Variants in RGS6 observed in about 807,000 individuals in gnomAD.
RGS6 encodes regulator of G-protein signaling 6.
In RGS6, 30 loss-of-function variants were observed where a neutral mutation model predicts 78.5. The observed-to-expected ratio is 0.38, with a 90% CI of 0.29 to 0.52. The LOEUF is 0.52. Ranked by LOEUF, RGS6 falls within the 20% of genes least tolerant of loss-of-function variation. RGS6 has a pLI of 0.85. For missense variants in RGS6, 495 were observed against 609.7 expected (o/e 0.81, Z 1.98); for synonymous variants, 206 against 206.0 (o/e 1.00, Z 0.00).
chr14:72,500,315 G>A (rs143834405), intron 13 of RGS6, among the ~76,000 whole-genome samples: 34 of 152,298 alleles, frequency 2.2e-4, no homozygotes, highest in African/African-American at 7.5e-4. Context: ...AAGTGAAAAC[G>A]AAGCCCTGTT....
chr14:71,885,946 T>G, the RGS6 span, among the ~76,000 whole-genome samples: 1 of 151,524 alleles, frequency 6.6e-6, no homozygotes. Flanking sequence ...CTCCTTCTCT[T>G]TTTTCTCTTT....
chr14:71,964,747 A>G lies in RGS6; in HGVS notation c.-20-25A>G, dbSNP rs28678612. On this transcript the variant is annotated intron_variant, in intron 1 of 17. Coordinates refer to ENST00000553525, the MANE Select transcript of RGS6 (RefSeq NM_001204424.2). ...CTTTATATAATTCCTTCGTGACTTA[A>G]TGGTTTATTCATTTATTTTTGCAGT... 3.5e-3 allele frequency: 5,256 copies of G among 1,496,996 alleles called. 164 individuals carry two copies. In the African/African-American group the frequency reaches 0.065, roughly 18 times the overall value. The allele number at this position is 1,496,996 out of a possible 1,614,324, so 92.7% of individuals were successfully genotyped here.
intron 2 of RGS6, among the ~76,000 whole-genome samples, chr14:72,068,493 T>C (rs898800714): frequency 9.0e-6 from 1 of 111,424 alleles, no homozygotes; most frequent in African/African-American, 3.3e-5. Flanking sequence ...CCTCCCACTC[T>C]TCCTATTTTT....
chr14:71,991,981 C>A (rs2094972324), intron 2 of RGS6, among the ~76,000 whole-genome samples: 1 of 151,380 alleles, frequency 6.6e-6, no homozygotes, highest in Admixed American at 6.6e-5. Context: ...AGATTTGGCC[C>A]ATGGGTGGGG....
At chr14:72,214,290 C>T (rs2045002103) in intron 2 of RGS6, among the ~76,000 whole-genome samples, 1 of 151,812 alleles carries the variant, frequency 6.6e-6, no homozygotes, top group African/African-American at 2.4e-5. Context: ...GATCCTCCCA[C>T]CTCAGCCTCT....
intron 2 of RGS6, among the ~76,000 whole-genome samples, chr14:72,096,393 A>C (rs1183921505): frequency 6.6e-6 from 1 of 152,234 alleles, no homozygotes; most frequent in African/African-American, 2.4e-5. Context: ...TTAGGTGATC[A>C]TGGGGAACAG....
At chr14:72,432,696 G>C (rs2094702293) in intron 3 of RGS6, among the ~76,000 whole-genome samples, 1 of 152,180 alleles carries the variant, frequency 6.6e-6, no homozygotes, top group Non-Finnish European at 1.5e-5. Flanking sequence ...TCTCACCCCA[G>C]CTAAAGCATC....
chr14:72,475,815 T>A lies in RGS6; in HGVS notation c.694-927T>A, dbSNP rs1598068275. Among the ~76,000 whole-genome samples, 8 of 109,594 alleles carry A rather than the reference T, an allele frequency of 7.3e-5. No homozygotes were observed. In the South Asian group the frequency reaches 2.4e-3, roughly 32 times the overall value. 71.9% of individuals were successfully genotyped at this position (109,594 alleles called of 152,430 possible). On this transcript the variant is annotated intron_variant, in intron 10 of 17. Transcript: ENST00000553525. Reference sequence around the variant, plus strand: ...AATTAGCTCTCTCTCATGTATGCATTAAAAAAAAATACACGCACACACACA... The same window carrying A: ...AATTAGCTCTCTCTCATGTATGCATAAAAAAAAAATACACGCACACACACA...
At chr14:72,243,461 C>T (rs2053442065) in intron 2 of RGS6, among the ~76,000 whole-genome samples, 1 of 151,222 alleles carries the variant, frequency 6.6e-6, no homozygotes, top group Admixed American at 6.6e-5. Flanking sequence ...GGGTTACATA[C>T]CTCAAAACAA....
chr14:72,131,101 A>G (rs2096304768), intron 2 of RGS6, among the ~76,000 whole-genome samples: 1 of 152,148 alleles, frequency 6.6e-6, no homozygotes, highest in Non-Finnish European at 1.5e-5. Flanking sequence ...CCTGACTCAG[A>G]TCTACTAGTT....
At chr14:72,554,371 T>C (rs542539157) in intron 17 of RGS6, among the ~76,000 whole-genome samples, 1 of 152,358 alleles carries the variant, frequency 6.6e-6, no homozygotes, top group Admixed American at 6.5e-5. Flanking sequence ...TCTTGCCGCT[T>C]TGTCCACAAT....
At chr14:72,388,261 C>T (rs993397044) in intron 3 of RGS6, among the ~76,000 whole-genome samples, 1 of 151,716 alleles carries the variant, frequency 6.6e-6, no homozygotes, top group Non-Finnish European at 1.5e-5. Flanking sequence ...TATATATATA[C>T]ACATATACAC....
rs2079218957 is a variant in RGS6 at position 72,352,154 on chromosome 14, A to T, written c.144A>T (p.Thr48=). 6.2e-7 allele frequency: 1 copy of T among 1,613,620 alleles called. No individual in the cohort carries two copies. The highest frequency in any genetic ancestry group is 2.2e-5 in the East Asian group (1 of 44,856). The change falls in exon 3 of 18, where the codon ACA becomes ACT. Residue 48 remains threonine, a synonymous_variant. Transcript: ENST00000553525. ...DDKTGGVPIR[T]VKSFLSKIPS... ...AGACAGGGGGTGTGCCCATCAGAAC[A>T]GTCAAGAGCTTTCTCTCCAAAATCC...
chr14:72,396,863 G>A (rs951567140), intron 3 of RGS6, among the ~76,000 whole-genome samples: 8 of 152,118 alleles, frequency 5.3e-5, no homozygotes, highest in East Asian at 1.9e-4. Flanking sequence ...GTAGATGTGC[G>A]GCATTATTTC....
chr14:72,511,372 C>T (rs111783310), intron 14 of RGS6, among the ~76,000 whole-genome samples: 10 of 152,336 alleles, frequency 6.6e-5, no homozygotes, highest in East Asian at 5.8e-4. Context: ...TTGAGACCAT[C>T]GGTCCCATAC....
At chr14:72,149,960 C>T (rs2096660785) in intron 2 of RGS6, among the ~76,000 whole-genome samples, 1 of 152,148 alleles carries the variant, frequency 6.6e-6, no homozygotes, top group Non-Finnish European at 1.5e-5. Context: ...GCTGTGGCTT[C>T]AAATTTTTCC....
intron 3 of RGS6, among the ~76,000 whole-genome samples, chr14:72,370,963 T>C (rs1418790733): frequency 2.0e-5 from 3 of 152,190 alleles, no homozygotes; most frequent in South Asian, 2.1e-4. Flanking sequence ...ATGAAGTCAG[T>C]TTTCTTGTTG....
chr14:72,393,043 T>C (rs903502340), intron 3 of RGS6, among the ~76,000 whole-genome samples: 7 of 152,188 alleles, frequency 4.6e-5, no homozygotes, highest in African/African-American at 1.7e-4. Context: ...CTTCTGAAGA[T>C]TATGTTGAAC....
chr14:72,480,123 G>T (rs1371489134), intron 12 of RGS6, among the ~76,000 whole-genome samples: 5 of 152,204 alleles, frequency 3.3e-5, no homozygotes, highest in Non-Finnish European at 7.3e-5. Flanking sequence ...TTCCAGGGTT[G>T]AGCCAAGAAA....
Sources: gnomAD v4.1 joint callset for allele counts (sites outside exome capture counted in the v4.1 genomes callset) on GRCh38, gnomAD v4.1.1 for gene constraint, MANE v1.5 for transcripts, NCBI Gene and HGNC (gene_info 2026-07-23, HGNC 2026-07-21) for gene names.